Variants in WDPCP observed in about 807,000 individuals in gnomAD.
The protein encoded by WDPCP is WD repeat containing planar cell polarity effector, also known as WD repeat-containing and planar cell polarity effector protein fritz homolog.
In WDPCP, 71 loss-of-function variants were observed where a neutral mutation model predicts 93.1. That is an observed-to-expected ratio of 0.76 (90% CI 0.63 to 0.93). WDPCP has a LOEUF of 0.93. Ranked by LOEUF, WDPCP falls within the 40% of genes least tolerant of loss-of-function variation. The pLI is 0.00. For missense variants in WDPCP, 844 were observed against 887.4 expected (o/e 0.95, Z 0.62); for synonymous variants, 315 against 315.0 (o/e 1.00, Z 0.00).
intron 13 of WDPCP, among the ~76,000 whole-genome samples, chr2:63,290,309 C>T (rs975845391): frequency 1.3e-5 from 2 of 152,036 alleles, no homozygotes; most frequent in African/African-American, 4.8e-5. Context: ...AGAATTCATA[C>T]TGCACCACTT....
In WDPCP at chr2:63,610,684, C is replaced by T. The variant is rs145619599; in HGVS notation, n.488+39975G>A. Among the ~76,000 whole-genome samples the T allele has an allele frequency of 1.9e-3, 290 of 152,256 alleles. 2 individuals are homozygous for T. Among genetic ancestry groups the T allele is most frequent in the African/African-American group, 6.4e-3 (266 of 41,560 alleles). ...TAGCTCAGAAACATTCAATGCATAA[C>T]CAAAGTATGTATGTAAATATATGTG... On this transcript the variant is annotated intron_variant and non_coding_transcript_variant, in intron 3 of 4. Transcript: ENST00000467687.
chr2:63,153,501 C>T lies in WDPCP; in HGVS notation c.2152G>A (p.Ala718Thr). Residue 718 changes from alanine (A) to threonine (T), a missense_variant, in exon 16 of 18, where the codon GCA (alanine) becomes ACA (threonine). Transcript: ENST00000272321. ...GTGTCTTGAATACCATTACCTTCTG[C>T]ATTACAGGTATTAGTCATCAAAAAT... ...SGFLMTNTCNAEDGELREDGR... is the reference protein window; with the variant it reads ...SGFLMTNTCNTEDGELREDGR... 6.2e-7 allele frequency: 1 copy of T among 1,610,792 alleles called. No individual in the cohort carries two copies. Among genetic ancestry groups the T allele is most frequent in the African/African-American group, 1.3e-5 (1 of 74,904 alleles).
intron 1 of WDPCP, among the ~76,000 whole-genome samples, chr2:63,553,633 T>A (rs527973051): frequency 1.6e-4 from 24 of 151,180 alleles, no homozygotes; most frequent in Non-Finnish European, 2.8e-4. Context: ...CTGATGCTTT[T>A]AAAAAAAAAA....
At chr2:63,640,527 A>G (rs1423269879) in intron 3 of WDPCP, among the ~76,000 whole-genome samples, 1 of 152,190 alleles carries the variant, frequency 6.6e-6, no homozygotes, top group African/African-American at 2.4e-5. Flanking sequence ...AACCCTGCAA[A>G]TGAGTGTTTA....
intron 2 of WDPCP, among the ~76,000 whole-genome samples, chr2:63,750,402 C>T (rs764635457): frequency 3.3e-5 from 5 of 151,838 alleles, no homozygotes; most frequent in South Asian, 2.1e-4. Context: ...TCACGCACAA[C>T]CTTGGTAAAA....
In WDPCP at chr2:63,284,329, T is replaced by C. The variant is rs578124996; in HGVS notation, c.1813-24920A>G. Among the ~76,000 whole-genome samples the C allele has an allele frequency of 2.6e-5, 4 of 152,326 alleles. No homozygotes were observed. In the South Asian group the frequency reaches 8.3e-4, roughly 32 times the overall value. On this transcript the variant is annotated intron_variant, in intron 13 of 17. Transcript: ENST00000272321. Reference sequence around the variant, plus strand: ...CCCAGTGGATGCCTGAAAGCATGGATAATACTGAATCCTATATATACTGTG... The same window carrying C: ...CCCAGTGGATGCCTGAAAGCATGGACAATACTGAATCCTATATATACTGTG...
At chr2:63,215,552 A>C in intron 14 of WDPCP, among the ~76,000 whole-genome samples, 1 of 152,364 alleles carries the variant, frequency 6.6e-6, no homozygotes, top group African/African-American at 2.4e-5. Context: ...TTATACAAAA[A>C]TTAATTCAAG....
intron 2 of WDPCP, among the ~76,000 whole-genome samples, chr2:63,666,912 A>AT (rs1324076241): frequency 2.0e-5 from 3 of 152,198 alleles, no homozygotes; most frequent in African/African-American, 7.2e-5. Context: ...CAACAGACCC[A>AT]TAAAAAAGAG....
At chr2:63,583,260 T>A (rs140645085) in intron 1 of WDPCP, among the ~76,000 whole-genome samples, 1 of 151,638 alleles carries the variant, frequency 6.6e-6, no homozygotes, top group African/African-American at 2.4e-5. Flanking sequence ...AATAAGCCAA[T>A]AAAGGAGATA....
At chr2:63,147,284 G>C (rs952930475) in intron 17 of WDPCP, among the ~76,000 whole-genome samples, 1 of 152,084 alleles carries the variant, frequency 6.6e-6, no homozygotes, top group African/African-American at 2.4e-5. Flanking sequence ...GTGGTAGTGG[G>C]TATAGACTAA....
At chr2:63,530,901 C>A (rs953965966) in intron 1 of WDPCP, among the ~76,000 whole-genome samples, 28 of 152,360 alleles carry the variant, frequency 1.8e-4, no homozygotes, top group African/African-American at 6.7e-4. Context: ...TTGCCTCATC[C>A]AGGAAGTGCA....
At chr2:63,541,305 A>T (rs1196937208) in intron 1 of WDPCP, among the ~76,000 whole-genome samples, 1 of 152,176 alleles carries the variant, frequency 6.6e-6, no homozygotes, top group South Asian at 2.1e-4. Flanking sequence ...GGGCTTCAGT[A>T]GTCCTTTGTT....
At chr2:63,734,017 T>C (rs1049094069) in intron 2 of WDPCP, among the ~76,000 whole-genome samples, 1 of 152,194 alleles carries the variant, frequency 6.6e-6, no homozygotes, top group Non-Finnish European at 1.5e-5. Context: ...TAACCTTTTG[T>C]GTTTGGTTTC....
chr2:63,338,569 AATAT>A (rs1159039677), intron 12 of WDPCP, among the ~76,000 whole-genome samples: 942 of 13,744 alleles, frequency 0.069, 9 homozygotes, highest in Admixed American at 0.076. Context: ...AAAAAAAAAA[AATAT>A]ATATATATAT....
chr2:63,570,325 G>A (rs186294724), intron 1 of WDPCP, among the ~76,000 whole-genome samples: 3 of 152,292 alleles, frequency 2.0e-5, no homozygotes, highest in East Asian at 1.9e-4. Context: ...TGGACAAAAC[G>A]CAGAGAATTT....
At chr2:63,592,648 C>T (rs1408089444), upstream of WDPCP, among the ~76,000 whole-genome samples, 1 of 152,204 alleles carries the variant, frequency 6.6e-6, no homozygotes, top group Non-Finnish European at 1.5e-5. Context: ...CTGCACTCAG[C>T]CTGAAATAGC....
chr2:63,805,906 G>A (rs1670756495), intron 2 of WDPCP, among the ~76,000 whole-genome samples: 1 of 152,142 alleles, frequency 6.6e-6, no homozygotes, highest in Admixed American at 6.5e-5. Context: ...AATTGCTTGT[G>A]TCCAGGCATT....
chr2:63,593,459 T>C (rs1709241046), upstream of WDPCP: 17 of 434,484 alleles, frequency 3.9e-5, no homozygotes, highest in South Asian at 2.7e-4. Context: ...AATTGCTGAG[T>C]GCTGCTAACT....
intron 1 of WDPCP, among the ~76,000 whole-genome samples, chr2:63,579,770 T>TAGAC (rs56398605): frequency 7.3e-5 from 11 of 151,266 alleles, no homozygotes; most frequent in Non-Finnish European, 1.5e-4. Flanking sequence ...GATACACAGA[T>TAGAC]AGACAGACAG....
Sources: gnomAD v4.1 joint callset for allele counts (sites outside exome capture counted in the v4.1 genomes callset) on GRCh38, gnomAD v4.1.1 for gene constraint, MANE v1.5 for transcripts, NCBI Gene and HGNC (gene_info 2026-07-23, HGNC 2026-07-21) for gene names.